The following WDR19 variants were observed in gnomAD, a reference collection of about 807,000 sequenced individuals.
WDR19 encodes WD repeat domain 19, also known as WD repeat-containing protein 19.
WDR19 carries 121 observed loss-of-function variants against 180.0 expected under a neutral mutation model. The ratio of observed to expected loss-of-function variants is 0.67; its 90% CI spans 0.58 to 0.78. The LOEUF (loss-of-function observed/expected upper bound fraction) is 0.78, where lower values mean the gene tolerates loss of function less well. WDR19 is among the 30% of genes least tolerant of loss of function. The pLI, the probability that WDR19 is intolerant of heterozygous loss-of-function variation, is 0.00. For synonymous variants in WDR19, 497 were observed against 540.7 expected, an observed-to-expected ratio of 0.92 and a Z score of 1.12; for missense variants, 1,450 against 1,640.7, an observed-to-expected ratio of 0.88 and a Z score of 2.01.
chr4:39,238,379 A>C (rs1560525030), intron 20 of WDR19, among the ~76,000 whole-genome samples: 1 of 152,228 alleles, frequency 6.6e-6, no homozygotes, highest in African/African-American at 2.4e-5. Flanking sequence ...GAGAGCTTCA[A>C]AATAAAATAA....
chr4:39,186,443 C>T (rs1346064591), intron 2 of WDR19, 96 bp from the exon 3 acceptor site: 5 of 871,294 alleles, frequency 5.7e-6, no homozygotes, highest in East Asian at 3.6e-5. Flanking sequence ...CACACCACTG[C>T]ACTCCAGCCT....
At chr4:39,213,467 G>A (rs1728742853) in intron 9 of WDR19, among the ~76,000 whole-genome samples, 2 of 152,158 alleles carry the variant, frequency 1.3e-5, no homozygotes, top group Admixed American at 1.3e-4. Context: ...AAAAAAGCCA[G>A]TCTCAACAGG....
intron 36 of WDR19, among the ~76,000 whole-genome samples, chr4:39,280,141 T>TTTTTTTTAA (rs368949539): frequency 1.1e-5 from 1 of 88,354 alleles, no homozygotes; most frequent in Non-Finnish European, 2.2e-5. Flanking sequence ...TTTTTTTTTT[T>TTTTTTTTAA]AATAGAGGCA....
chr4:39,241,493 C>CAAAAAAA (rs36076556), intron 21 of WDR19, among the ~76,000 whole-genome samples: 1 of 119,496 alleles, frequency 8.4e-6, no homozygotes, highest in Non-Finnish European at 1.7e-5. Flanking sequence ...GACTATATCT[C>CAAAAAAA]AAAAAAAAAA....
intron 27 of WDR19, among the ~76,000 whole-genome samples, chr4:39,256,169 T>C (rs931119962): frequency 1.3e-5 from 2 of 152,254 alleles, no homozygotes; most frequent in Non-Finnish European, 2.9e-5. Flanking sequence ...TCTGTCACTT[T>C]CATTCTAACT....
Position 39,218,116 on chromosome 4 carries a change from C to T in WDR19, c.1479+11C>T. ...ATCTATGGTACAGATGTATGTATTG[C>T]CTTCTTTTTTAGAGAACACTGGGAA... On this transcript the variant is annotated intron_variant, in intron 14 of 36. Transcript: ENST00000399820. 6.3e-7 allele frequency: 1 copy of T among 1,590,816 alleles called. No individual in the cohort carries two copies. The highest frequency in any genetic ancestry group is 8.6e-7 in the Non-Finnish European group (1 of 1,168,694).
intron 3 of WDR19, among the ~76,000 whole-genome samples, 198 bp downstream of exon 3, chr4:39,186,802 T>C (rs755382576): frequency 5.9e-5 from 9 of 152,184 alleles, no homozygotes; most frequent in Non-Finnish European, 1.3e-4. Context: ...TAAACACCCA[T>C]ATACTCACAG....
chr4:39,216,210 G>C lies in WDR19; in HGVS notation c.1249G>C (p.Ala417Pro). ...RAWFYVLGEN[A>P]VKKLKDMEYL... ...TTGGTTTTATGTCCTTGGAGAAAAT[G>C]GCAAGTCTAAATCCAGTTGTTTATT... Residue 417 changes from alanine to proline, a missense_variant and splice_region_variant, in exon 12 of 37, where the codon GCT becomes CCT. By Grantham distance (27) the Ala-to-Pro change is conservative. Transcript: ENST00000399820. The C allele has an allele frequency of 1.3e-6, 2 of 1,557,078 alleles. No individual in the cohort carries two copies. The highest frequency in any genetic ancestry group is 1.7e-6 in the Non-Finnish European group (2 of 1,152,138).
chr4:39,196,653 C>T (rs912550009), intron 5 of WDR19, among the ~76,000 whole-genome samples: 1 of 152,310 alleles, frequency 6.6e-6, no homozygotes, highest in Middle Eastern at 3.4e-3. Context: ...CAACTCTTGC[C>T]CCACTCTAGA....
chr4:39,236,111 G>A (rs774040684), intron 20 of WDR19, among the ~76,000 whole-genome samples: 4 of 152,120 alleles, frequency 2.6e-5, no homozygotes, highest in South Asian at 2.1e-4. Context: ...ACTATCATTC[G>A]ACCCAGTAAT....
chr4:39,254,627 A>T (rs1365505416), intron 26 of WDR19, among the ~76,000 whole-genome samples: 1 of 152,016 alleles, frequency 6.6e-6, no homozygotes, highest in East Asian at 1.9e-4. Context: ...TTGTTTTCTT[A>T]TTGTGCTAAA....
intron 1 of WDR19, among the ~76,000 whole-genome samples, chr4:39,185,159 A>AC (rs1421901334): frequency 6.6e-6 from 1 of 152,220 alleles, no homozygotes; most frequent in Non-Finnish European, 1.5e-5. Flanking sequence ...ATTGGACATC[A>AC]CGTTTCTTGA....
chr4:39,199,545 A>C lies in WDR19; in HGVS notation c.474A>C (p.Glu158Asp). 1 of 1,613,526 alleles carries C rather than the reference A, an allele frequency of 6.2e-7. No individual in the cohort carries two copies. The highest frequency in any genetic ancestry group is 1.1e-5 in the South Asian group (1 of 91,054). Residue 158 changes from glutamate to aspartate, a missense_variant, in exon 6 of 37, where the codon GAA becomes GAC. Physicochemically the swap from Glu to Asp is conservative, Grantham distance 45 (BLOSUM62 2). Coordinates refer to ENST00000399820, the MANE Select transcript of WDR19 (RefSeq NM_025132.4). ...AAAATCTGCTTGCTTTAGGTGGTGA[A>C]GATAAAATGATTACAGTTAGTAATC... Reference protein sequence around the residue: ...NAENLLALGGEDKMITVSNQE... With the variant: ...NAENLLALGGDDKMITVSNQE...
At chr4:39,268,437 G>C (rs1393009203) in intron 30 of WDR19, among the ~76,000 whole-genome samples, 1 of 152,088 alleles carries the variant, frequency 6.6e-6, no homozygotes, top group East Asian at 1.9e-4. Flanking sequence ...CCCTGTGTTT[G>C]GCCTTAACAA....
At chr4:39,266,304 G>A (rs1462040947) in intron 29 of WDR19, among the ~76,000 whole-genome samples, 164 bp downstream of exon 29, 1 of 151,832 alleles carries the variant, frequency 6.6e-6, no homozygotes, top group African/African-American at 2.4e-5. Context: ...TGCTTCCCTG[G>A]GTCACATTGG....
chr4:39,201,544 A>C (rs1727378022), intron 6 of WDR19, among the ~76,000 whole-genome samples: 1 of 152,238 alleles, frequency 6.6e-6, no homozygotes, highest in Non-Finnish European at 1.5e-5. Context: ...GCCTGGACTA[A>C]CTGAAGATAG....
intron 7 of WDR19, among the ~76,000 whole-genome samples, chr4:39,204,859 A>C (rs953247647): frequency 6.6e-6 from 1 of 152,208 alleles, no homozygotes; most frequent in African/African-American, 2.4e-5. Flanking sequence ...TCAGACTTAC[A>C]ATCCTGTAGT....
chr4:39,281,459 A>T (rs1736536605), intron 36 of WDR19, among the ~76,000 whole-genome samples: 1 of 151,288 alleles, frequency 6.6e-6, no homozygotes, highest in Non-Finnish European at 1.5e-5. Context: ...TTGTTTTAAT[A>T]CTACACTATC....
intron 9 of WDR19, among the ~76,000 whole-genome samples, chr4:39,211,273 A>C (rs529573487): frequency 5.3e-5 from 8 of 152,356 alleles, no homozygotes; most frequent in Admixed American, 3.3e-4. Context: ...CCTTAAGATT[A>C]GGAACAAGAC....
Sources: allele counts gnomAD v4.1 joint callset (sites outside exome capture counted in the v4.1 genomes callset), GRCh38; gene constraint gnomAD v4.1.1; transcripts MANE v1.5; gene names NCBI Gene and HGNC (gene_info 2026-07-23, HGNC 2026-07-21).